The following PAK5 variants were observed in gnomAD, a reference collection of about 807,000 sequenced individuals.
The protein encoded by PAK5 is p21 (RAC1) activated kinase 5.
PAK5 carries 16 observed loss-of-function variants against 65.9 expected under a neutral mutation model. The observed-to-expected ratio is 0.24, with a 90% CI of 0.16 to 0.37. The LOEUF (loss-of-function observed/expected upper bound fraction) is 0.37, where lower values mean the gene tolerates loss of function less well. PAK5 is among the 10% of genes least tolerant of loss of function. PAK5 has a pLI of 1.00. For synonymous variants in PAK5, 371 were observed against 354.9 expected (o/e 1.05, Z -0.51); for missense variants, 785 against 903.9 (o/e 0.87, Z 1.69).
intron 3 of PAK5, among the ~76,000 whole-genome samples, chr20:9,616,094 A>G (rs2046650619): frequency 6.6e-6 from 1 of 152,238 alleles, no homozygotes; most frequent in South Asian, 2.1e-4. Flanking sequence ...CTCTGATGGG[A>G]AGCATGTCAA....
At chr20:9,784,819 C>T (rs1457249503) in intron 1 of PAK5, among the ~76,000 whole-genome samples, 1 of 151,122 alleles carries the variant, frequency 6.6e-6, no homozygotes, top group Non-Finnish European at 1.5e-5. Context: ...AAAAAAAAAA[C>T]AACACATGTA....
intron 7 of PAK5, among the ~76,000 whole-genome samples, chr20:9,555,368 G>A (rs2045490622): frequency 6.6e-6 from 1 of 152,154 alleles, no homozygotes; most frequent in South Asian, 2.1e-4. Flanking sequence ...GAGGGGAGGG[G>A]AGATCTTTAA....
chr20:9,668,770 A>C (rs761098590), intron 2 of PAK5, among the ~76,000 whole-genome samples: 1 of 152,206 alleles, frequency 6.6e-6, no homozygotes, highest in Non-Finnish European at 1.5e-5. Flanking sequence ...TCTACTGATA[A>C]ATTTTATTAA....
chr20:9,671,427 G>T (rs993610206), intron 2 of PAK5, among the ~76,000 whole-genome samples: 2 of 151,964 alleles, frequency 1.3e-5, no homozygotes, highest in African/African-American at 4.8e-5. Flanking sequence ...TCTTCCATTT[G>T]TTTGTATCCT....
intron 1 of PAK5, among the ~76,000 whole-genome samples, chr20:9,752,044 C>A (rs180912789): frequency 6.6e-6 from 1 of 152,076 alleles, no homozygotes; most frequent in East Asian, 1.9e-4. Flanking sequence ...TTGGCAATAA[C>A]GTGTAAATTA....
rs573573642 is a variant in PAK5 at position 9,670,962 on chromosome 20, G to A, written c.-11-26623C>T. On this transcript the variant is annotated intron_variant, in intron 2 of 9. Transcript: ENST00000353224. ...AATTAATTTTTGTATAAGGTGTAAG[G>A]AAGGGATCCAGTTTCAGCTTTCTAC... Among the ~76,000 whole-genome samples the A allele has an allele frequency of 3.3e-5, 5 of 152,256 alleles. No homozygotes were observed. In the South Asian group the frequency reaches 1.0e-3, roughly 32 times the overall value.
At chr20:9,803,353 A>G (rs1369632417) in intron 1 of PAK5, among the ~76,000 whole-genome samples, 2 of 152,156 alleles carry the variant, frequency 1.3e-5, no homozygotes, top group Admixed American at 1.3e-4. Flanking sequence ...AGGATAAGCA[A>G]GGGCACATCC....
chr20:9,662,371 T>C (rs1260472388), intron 2 of PAK5, among the ~76,000 whole-genome samples: 2 of 152,150 alleles, frequency 1.3e-5, no homozygotes, highest in African/African-American at 4.8e-5. Flanking sequence ...ACAATGTTTA[T>C]GGATTTCACA....
At chr20:9,542,809 G>A in intron 8 of PAK5, 89 bp from the exon 9 acceptor site, 1 of 1,149,924 alleles carries the variant, frequency 8.7e-7, no homozygotes, top group Non-Finnish European at 1.3e-6. Context: ...TCATTCACAA[G>A]TGACTATGGC....
intron 2 of PAK5, among the ~76,000 whole-genome samples, chr20:9,702,820 C>T (rs1318151406): frequency 1.3e-5 from 2 of 152,294 alleles, no homozygotes; most frequent in Admixed American, 6.5e-5. Context: ...ACCTCTAACA[C>T]TAAGCACTGC....
chr20:9,761,465 A>T (rs886868750), intron 1 of PAK5, among the ~76,000 whole-genome samples: 2 of 152,204 alleles, frequency 1.3e-5, no homozygotes, highest in Admixed American at 6.6e-5. Flanking sequence ...ACCCTGCACA[A>T]TCTATAGATT....
rs201564558 is a variant in PAK5 at position 9,667,034 on chromosome 20, TG to T, written c.-11-22696del. 9.5e-4 allele frequency among the ~76,000 whole-genome samples: 145 copies of T among 152,290 alleles called. 2 individuals carry two copies. In the East Asian group the frequency reaches 0.026, roughly 27 times the overall value. On this transcript the variant is annotated intron_variant, in intron 2 of 9. Coordinates refer to ENST00000353224, the MANE Select transcript of PAK5 (RefSeq NM_177990.4). ...GGCTCATGCCTGTAATCCCAGCACTTGGGAAGCCAAGGCTGGTGGATCACTT... is the reference window on the plus strand; with the variant it reads ...GGCTCATGCCTGTAATCCCAGCACTTGGAAGCCAAGGCTGGTGGATCACTT...
At chr20:9,621,707 G>A (rs2046771554) in intron 3 of PAK5, among the ~76,000 whole-genome samples, 1 of 152,134 alleles carries the variant, frequency 6.6e-6, no homozygotes, top group South Asian at 2.1e-4. Context: ...TGGCTGACGG[G>A]CAATGGCAGG....
intron 3 of PAK5, among the ~76,000 whole-genome samples, chr20:9,600,242 GT>G (rs1363568518): frequency 6.6e-6 from 1 of 152,058 alleles, no homozygotes; most frequent in East Asian, 1.9e-4. Flanking sequence ...TATTATTTTG[GT>G]TTTAATTGTA....
At chr20:9,805,413 T>C (rs2049219765) in intron 1 of PAK5, among the ~76,000 whole-genome samples, 1 of 152,066 alleles carries the variant, frequency 6.6e-6, no homozygotes, top group South Asian at 2.1e-4. Context: ...CACAAAAACT[T>C]ATACAAAGCG....
intron 1 of PAK5, among the ~76,000 whole-genome samples, chr20:9,823,517 G>C (rs2049447866): frequency 1.3e-5 from 2 of 152,110 alleles, no homozygotes; most frequent in Non-Finnish European, 2.9e-5. Flanking sequence ...CAGATCTGAT[G>C]GTTTTATAAA....
At chr20:9,792,966 A>G (rs1054191241) in intron 1 of PAK5, among the ~76,000 whole-genome samples, 1 of 152,176 alleles carries the variant, frequency 6.6e-6, no homozygotes, top group African/African-American at 2.4e-5. Flanking sequence ...GACTAAGTCA[A>G]GTTCGCTCTA....
intron 1 of PAK5, among the ~76,000 whole-genome samples, chr20:9,822,988 C>G (rs879369042): frequency 2.0e-5 from 3 of 152,182 alleles, no homozygotes; most frequent in Admixed American, 2.0e-4. Flanking sequence ...ATGTACATGT[C>G]CCTCTGAAAT....
At chr20:9,818,606 C>T (rs1284770475) in intron 1 of PAK5, 1 of 152,164 alleles carries the variant, frequency 6.6e-6, no homozygotes, top group African/African-American at 2.4e-5. Flanking sequence ...AACAGATGCA[C>T]ATAGACCGTA....
Sources: gnomAD v4.1 joint callset for allele counts (sites outside exome capture counted in the v4.1 genomes callset) on GRCh38, gnomAD v4.1.1 for gene constraint, MANE v1.5 for transcripts, NCBI Gene and HGNC (gene_info 2026-07-23, HGNC 2026-07-21) for gene names.